CCDC38: variants seen among roughly 807,000 people sequenced by gnomAD.
The protein encoded by CCDC38 is coiled-coil domain containing 38.
Under a neutral mutation model 72.8 loss-of-function variants are expected in CCDC38, and 69 were observed. That is an observed-to-expected ratio of 0.95 (90% CI 0.78 to 1.16). The LOEUF (loss-of-function observed/expected upper bound fraction) is 1.16, where lower values mean the gene tolerates loss of function less well. Ranked by LOEUF, CCDC38 falls within the 50% of genes most tolerant of loss-of-function variation. The pLI, the probability that CCDC38 is intolerant of heterozygous loss-of-function variation, is 0.00. For missense variants in CCDC38, 626 were observed against 638.9 expected (o/e 0.98, Z 0.22); for synonymous variants, 201 against 213.2 (o/e 0.94, Z 0.50).
Position 95,872,386 on chromosome 12 carries a change from G to T in CCDC38, c.1353C>A (p.Asp451Glu), listed in dbSNP as rs147823377. The T allele has an allele frequency of 6.2e-7, 1 of 1,613,910 alleles. No homozygotes were observed. Among genetic ancestry groups the T allele is most frequent in the Non-Finnish European group, 8.5e-7 (1 of 1,179,972 alleles). Residue 451 changes from aspartate (D) to glutamate (E), a missense_variant, in exon 14 of 16, where the codon GAC (aspartate) becomes GAA (glutamate). Coordinates refer to ENST00000344280, the MANE Select transcript of CCDC38 (RefSeq NM_182496.3). ...YKVCIGDAED[D>E]GLNPIQKLVK... ...CCAGCTTTTGAATTGGGTTGAGGCC[G>T]TCATCCTCAGCATCTCCAATGCAGA... is the stretch of plus-strand genomic sequence containing the variant.
chr12:95,880,833 G>C (rs1008942935), intron 11 of CCDC38, among the ~76,000 whole-genome samples: 1 of 152,178 alleles, frequency 6.6e-6, no homozygotes, highest in African/African-American at 2.4e-5. Context: ...GTTGCCAGGG[G>C]CTATGGGAGG....
rs79796973 is a variant in CCDC38 at position 95,878,495 on chromosome 12, A to C, written c.1143-149T>G. On this transcript the variant is annotated intron_variant, in intron 12 of 15. Transcript: ENST00000344280. ...GTATTTGAAGACATTGCCAAAGTAC[A>C]TGCAACTTTTCAAGTTAAAATGAGA... is the stretch of plus-strand genomic sequence containing the variant. 1,878 of 705,046 alleles carry C rather than the reference A, an allele frequency of 2.7e-3. 42 individuals are homozygous for C. The African/African-American group carries it at 0.03, about 11-fold the overall frequency. 43.7% of individuals were successfully genotyped at this position (705,046 alleles called of 1,614,324 possible).
At chr12:95,915,611 A>C (rs1434169153) in intron 4 of CCDC38, among the ~76,000 whole-genome samples, 1 of 151,034 alleles carries the variant, frequency 6.6e-6, no homozygotes, top group Non-Finnish European at 1.5e-5. Context: ...GTTTGTTTTC[A>C]ATCAGGATTC....
At chr12:95,921,124 ATC>A in intron 2 of CCDC38, among the ~76,000 whole-genome samples, 1 of 150,066 alleles carries the variant, frequency 6.7e-6, no homozygotes. Context: ...GTGAAACTCC[ATC>A]TCAAAAAAAA....
intron 2 of CCDC38, among the ~76,000 whole-genome samples, chr12:95,930,203 C>T (rs557203324): frequency 5.3e-5 from 8 of 152,282 alleles, no homozygotes; most frequent in African/African-American, 1.9e-4. Flanking sequence ...GAACTAGTCC[C>T]TAGGCAACAC....
intron 7 of CCDC38, among the ~76,000 whole-genome samples, chr12:95,895,754 GAAAAA>G (rs1206572260): frequency 1.6e-4 from 6 of 37,260 alleles, no homozygotes; most frequent in Non-Finnish European, 3.0e-4. Flanking sequence ...ACTCTGTCTC[GAAAAA>G]AAAAAAAAAA....
chr12:95,868,515 G>A (rs753709492), intron 15 of CCDC38, among the ~76,000 whole-genome samples: 13 of 151,928 alleles, frequency 8.6e-5, no homozygotes, highest in Non-Finnish European at 1.8e-4. Context: ...TGAAGTAATC[G>A]TTTTTTTGTC....
intron 5 of CCDC38, among the ~76,000 whole-genome samples, chr12:95,904,213 G>T (rs985786739): frequency 2.0e-5 from 3 of 151,878 alleles, no homozygotes; most frequent in Non-Finnish European, 4.4e-5. Context: ...TTTTTAAATG[G>T]GTATTTCATG....
intron 8 of CCDC38, among the ~76,000 whole-genome samples, chr12:95,893,176 T>C (rs1323665731): frequency 6.6e-6 from 1 of 152,194 alleles, no homozygotes; most frequent in Non-Finnish European, 1.5e-5. Flanking sequence ...AACTTTACAA[T>C]ATCAATCTTT....
intron 2 of CCDC38, among the ~76,000 whole-genome samples, chr12:95,931,302 C>T (rs533601593): frequency 5.5e-4 from 84 of 152,308 alleles, no homozygotes; most frequent in African/African-American, 1.9e-3. Flanking sequence ...ATCACCTTCT[C>T]GGTCTTTGAA....
At chr12:95,876,522 C>T (rs2079637306) in intron 13 of CCDC38, among the ~76,000 whole-genome samples, 1 of 152,064 alleles carries the variant, frequency 6.6e-6, no homozygotes, top group Admixed American at 6.5e-5. Context: ...GAATGACACG[C>T]TTAAAATAGC....
At chr12:95,911,006 C>T (rs913526906) in intron 4 of CCDC38, among the ~76,000 whole-genome samples, 1 of 152,012 alleles carries the variant, frequency 6.6e-6, no homozygotes, top group Non-Finnish European at 1.5e-5. Flanking sequence ...ACAAGGCTAC[C>T]GTAACAAAAA....
intron 2 of CCDC38, among the ~76,000 whole-genome samples, chr12:95,932,697 C>G (rs2080350862): frequency 2.6e-5 from 4 of 152,122 alleles, no homozygotes; most frequent in Admixed American, 2.0e-4. Context: ...AATGCCAATT[C>G]TCCACGAATG....
At chr12:95,941,789 G>T (rs901071322) in intron 1 of CCDC38, among the ~76,000 whole-genome samples, 1 of 151,670 alleles carries the variant, frequency 6.6e-6, no homozygotes, top group African/African-American at 2.4e-5. Flanking sequence ...TAAAAGCTAT[G>T]CACACACACA....
At chr12:95,878,164 A>G (rs2079655500) in intron 13 of CCDC38, 47 bp downstream of exon 13, 1 of 1,602,846 alleles carries the variant, frequency 6.2e-7, no homozygotes, top group South Asian at 1.1e-5. Flanking sequence ...AATAAAAATT[A>G]TAATCATGAG....
At chr12:95,913,445 C>T (rs76022612) in intron 4 of CCDC38, among the ~76,000 whole-genome samples, 13,891 of 151,904 alleles carry the variant, frequency 0.091, 802 homozygotes, top group Non-Finnish European at 0.12. Flanking sequence ...GAACCACTAC[C>T]TGTTTCTCTC....
chr12:95,915,619 T>C (rs2080136408), intron 4 of CCDC38, among the ~76,000 whole-genome samples: 1 of 150,198 alleles, frequency 6.7e-6, no homozygotes, highest in Non-Finnish European at 1.5e-5. Flanking sequence ...TCAATCAGGA[T>C]TCAGGCAGGG....
chr12:95,867,110 G>T lies in CCDC38; in HGVS notation c.1658C>A (p.Thr553Lys), dbSNP rs1243117606. Residue 553 changes from threonine (T) to lysine (K), a missense_variant, in exon 16 of 16, where the codon ACA becomes AAA. Coordinates refer to ENST00000344280, the MANE Select transcript of CCDC38 (RefSeq NM_182496.3). ...QQLPLVNETKTKSQEEEYFFT is the reference protein window; with the variant it reads ...QQLPLVNETKKKSQEEEYFFT ...AAAATATTCTTCCTCTTGTGATTTT[G>T]TTTTTGTTTCATTGACTAAAGGTAG... 3.7e-6 allele frequency: 6 copies of T among 1,603,008 alleles called. No homozygotes were observed. Among genetic ancestry groups the T allele is most frequent in the Non-Finnish European group, 5.1e-6 (6 of 1,172,524 alleles).
At chr12:95,941,604 G>A (rs2080451588) in intron 1 of CCDC38, among the ~76,000 whole-genome samples, 1 of 152,174 alleles carries the variant, frequency 6.6e-6, no homozygotes, top group African/African-American at 2.4e-5. Context: ...CAATTGCATA[G>A]TTCTGCAAAT....
Sources: allele counts gnomAD v4.1 joint callset (sites outside exome capture counted in the v4.1 genomes callset), GRCh38; gene constraint gnomAD v4.1.1; transcripts MANE v1.5; gene names NCBI Gene and HGNC (gene_info 2026-07-23, HGNC 2026-07-21).